CCDC7: variants seen among roughly 807,000 people sequenced by gnomAD.
CCDC7 encodes the protein coiled-coil domain containing 7.
CCDC7 carries 183 observed loss-of-function variants against 196.9 expected under a neutral mutation model. The ratio of observed to expected loss-of-function variants is 0.93; its 90% confidence interval spans 0.82 to 1.05. CCDC7 has a LOEUF of 1.05. CCDC7 is among the 50% of genes least tolerant of loss of function. CCDC7 has a pLI of 0.00. For synonymous variants in CCDC7, 525 were observed against 484.6 expected (o/e 1.08, Z -1.10); for missense variants, 1,540 against 1,482.2 (o/e 1.04, Z -0.64).
chr10:32,755,678 A>G (rs577858010), intron 28 of CCDC7, among the ~76,000 whole-genome samples: 3 of 152,274 alleles, frequency 2.0e-5, no homozygotes, highest in Non-Finnish European at 4.4e-5. Flanking sequence ...TGAAAATTCT[A>G]AAAATCAGAC....
intron 24 of CCDC7, among the ~76,000 whole-genome samples, chr10:32,696,971 G>A (rs1376301595): frequency 1.3e-5 from 2 of 152,114 alleles, no homozygotes; most frequent in African/African-American, 4.8e-5. Context: ...TTTTTGCATG[G>A]ACCAGGGCTG....
chr10:32,821,133 C>T (rs1393163259), intron 31 of CCDC7, among the ~76,000 whole-genome samples: 2 of 151,972 alleles, frequency 1.3e-5, no homozygotes, highest in African/African-American at 2.4e-5. Context: ...AAAACAACCC[C>T]ATCAAAAAGT....
At chr10:32,619,061 C>T (rs2063091522) in intron 18 of CCDC7, among the ~76,000 whole-genome samples, 1 of 151,594 alleles carries the variant, frequency 6.6e-6, no homozygotes, top group Non-Finnish European at 1.5e-5. Context: ...ATATTTCCTT[C>T]AATGATTTTT....
At chr10:32,520,965 T>C (rs537157050) in intron 11 of CCDC7, among the ~76,000 whole-genome samples, 2 of 152,264 alleles carry the variant, frequency 1.3e-5, no homozygotes, top group African/African-American at 4.8e-5. Context: ...GCAACATTTA[T>C]TGAAGAGACT....
chr10:32,497,749 C>T (rs2043141025), intron 9 of CCDC7, among the ~76,000 whole-genome samples: 1 of 152,114 alleles, frequency 6.6e-6, no homozygotes. Context: ...GCACTGTGGT[C>T]TGAGAGACTT....
chr10:32,732,435 T>C (rs1287555138), intron 28 of CCDC7, among the ~76,000 whole-genome samples: 1 of 152,142 alleles, frequency 6.6e-6, no homozygotes, highest in Non-Finnish European at 1.5e-5. Context: ...TCCATTGTCG[T>C]TGATTAATCA....
chr10:32,480,975 G>C (rs1013890755), intron 8 of CCDC7, among the ~76,000 whole-genome samples: 12 of 146,828 alleles, frequency 8.2e-5, no homozygotes, highest in Non-Finnish European at 1.7e-4. Flanking sequence ...TTGTATTGCT[G>C]TCTATCTCTC....
At chr10:32,486,752 G>A (rs1228875031) in intron 8 of CCDC7, among the ~76,000 whole-genome samples, 10 of 148,140 alleles carry the variant, frequency 6.8e-5, no homozygotes, top group African/African-American at 2.3e-4. Flanking sequence ...CACTTATGAA[G>A]CTTAGTTTGG....
chr10:32,524,108 G>C (rs2048313963), intron 11 of CCDC7, among the ~76,000 whole-genome samples: 1 of 146,168 alleles, frequency 6.8e-6, no homozygotes, highest in African/African-American at 2.5e-5. Flanking sequence ...TTTGTCTGGT[G>C]GTTTGCTTTA....
chr10:32,449,546 A>T (rs1254245116), upstream of CCDC7, among the ~76,000 whole-genome samples: 1 of 151,984 alleles, frequency 6.6e-6, no homozygotes, highest in Admixed American at 6.6e-5. Flanking sequence ...CTGTGAGCTC[A>T]TATACCCCTG....
chr10:32,518,820 C>T (rs2047449440), intron 11 of CCDC7, among the ~76,000 whole-genome samples: 1 of 151,972 alleles, frequency 6.6e-6, no homozygotes, highest in Admixed American at 6.6e-5. Flanking sequence ...GTATTTTCTA[C>T]AATTATGTAA....
At chr10:32,689,637 CAG>C (rs1470582067) in intron 23 of CCDC7, among the ~76,000 whole-genome samples, 1 of 152,118 alleles carries the variant, frequency 6.6e-6, no homozygotes, top group African/African-American at 2.4e-5. Context: ...TGAAATGAAA[CAG>C]AATTTCTGGT....
chr10:32,664,336 A>G (rs1013456091), intron 21 of CCDC7, among the ~76,000 whole-genome samples, 175 bp downstream of exon 22: 5 of 152,092 alleles, frequency 3.3e-5, no homozygotes, highest in African/African-American at 7.2e-5. Context: ...GCTATTTAAC[A>G]TGTATATTAC....
At chr10:32,742,719 G>A (rs986265057) in intron 28 of CCDC7, among the ~76,000 whole-genome samples, 6 of 152,168 alleles carry the variant, frequency 3.9e-5, no homozygotes, top group African/African-American at 1.2e-4. Flanking sequence ...GCTGACTGGT[G>A]AAGAAGGGCT....
chr10:32,465,586 C>T (rs1294932605), intron 5 of CCDC7, among the ~76,000 whole-genome samples: 2 of 152,108 alleles, frequency 1.3e-5, no homozygotes, highest in Non-Finnish European at 2.9e-5. Flanking sequence ...GAGTCCCCTC[C>T]TAAACCCAAC....
intron 29 of CCDC7, among the ~76,000 whole-genome samples, chr10:32,787,705 A>G (rs77178220): frequency 0.034 from 5,157 of 152,250 alleles, 132 homozygotes; most frequent in Admixed American, 0.049. Context: ...CCCCAATGCC[A>G]GGCCAGCTCC....
chr10:32,712,875 A>T (rs952351097), intron 25 of CCDC7, among the ~76,000 whole-genome samples: 2 of 152,226 alleles, frequency 1.3e-5, no homozygotes, highest in African/African-American at 2.4e-5. Flanking sequence ...GGTCTTTCAC[A>T]TAGGCCAGAT....
intron 20 of CCDC7, among the ~76,000 whole-genome samples, chr10:32,647,414 C>A (rs916037647): frequency 3.9e-5 from 6 of 152,144 alleles, no homozygotes; most frequent in Admixed American, 6.5e-5. Context: ...GAGGCTCAGG[C>A]AGGAAAATAG....
At chr10:32,824,676 T>C (rs1414917363) in intron 32 of CCDC7, 72 bp downstream of exon 33, 2 of 956,274 alleles carry the variant, frequency 2.1e-6, no homozygotes, top group South Asian at 1.4e-5. Flanking sequence ...GTATCTCTAA[T>C]GACAACAGTA....
Sources: allele counts gnomAD v4.1 joint callset (sites outside exome capture counted in the v4.1 genomes callset), GRCh38; gene constraint gnomAD v4.1.1; transcripts MANE v1.5; gene names NCBI Gene and HGNC (gene_info 2026-07-23, HGNC 2026-07-21).